Variants in ALG12 observed in about 807,000 individuals in gnomAD.
ALG12 encodes dol-P-Man:Man(7)GlcNAc(2)-PP-Dol alpha-1,6-mannosyltransferase.
A neutral mutation model predicts 46.0 loss-of-function variants in ALG12; 36 were observed. The observed-to-expected ratio is 0.78, with a 90% confidence interval of 0.60 to 1.03. The LOEUF is 1.03. Ranked by LOEUF, ALG12 falls within the 50% of genes least tolerant of loss-of-function variation. The probability of loss-of-function intolerance (pLI) is 0.00; values close to 1 mark genes in which losing one functional copy is unlikely to be tolerated. For synonymous variants in ALG12, 326 were observed against 291.6 expected (o/e 1.12, Z -1.20); for missense variants, 599 against 633.5 (o/e 0.95, Z 0.58).
the ALG12 span, among the ~76,000 whole-genome samples, chr22:49,868,719 G>A: frequency 1.3e-5 from 2 of 152,166 alleles, no homozygotes; most frequent in African/African-American, 4.8e-5. Context: ...GCCTGGGTTA[G>A]TAATTCTGCA....
chr22:49,864,303 T>C, the ALG12 span, among the ~76,000 whole-genome samples: 1 of 152,250 alleles, frequency 6.6e-6, no homozygotes, highest in Non-Finnish European at 1.5e-5. Flanking sequence ...GTTTTATCTC[T>C]TGCTACAAAC....
At chr22:49,914,022 T>C (rs926657932) in intron 1 of ALG12, among the ~76,000 whole-genome samples, 179 bp from the exon 2 acceptor site, 3 of 152,250 alleles carry the variant, frequency 2.0e-5, no homozygotes, top group South Asian at 2.1e-4. Context: ...GAATCTTTCA[T>C]ACTGTAACCA....
chr22:49,876,130 C>T, the ALG12 span, among the ~76,000 whole-genome samples: 1 of 151,724 alleles, frequency 6.6e-6, no homozygotes, highest in African/African-American at 2.4e-5. Context: ...TTATTCAGTT[C>T]CTTTGTCAGA....
downstream of ALG12, among the ~76,000 whole-genome samples, chr22:49,898,898 G>A (rs1441421429): frequency 6.6e-6 from 1 of 151,972 alleles, no homozygotes; most frequent in Non-Finnish European, 1.5e-5. Flanking sequence ...AACTACAGGC[G>A]TGCACCACTG....
At chr22:49,868,761 A>C in the ALG12 span, among the ~76,000 whole-genome samples, 1 of 152,156 alleles carries the variant, frequency 6.6e-6, no homozygotes, top group African/African-American at 2.4e-5. Flanking sequence ...AGGGTTGAGC[A>C]AATGAGGAAA....
Position 49,906,453 on chromosome 22 carries a change from G to C in ALG12, c.992+1268C>G, listed in dbSNP as rs114143073. On this transcript the variant is annotated intron_variant, in intron 7 of 9. Transcript: ENST00000330817. This position sits in a 1 kb window ranked among gnomAD's most constrained non-coding sequence, Gnocchi z 4.4. ...CCAGAGGAGCCCCCAACCCAGGCAC[G>C]GCCACGGCAGCCGGAGGAACCCCCA... 1.3e-5 allele frequency among the ~76,000 whole-genome samples: 2 copies of C among 151,960 alleles called. No homozygotes were observed. Among genetic ancestry groups the C allele is most frequent in the Non-Finnish European group, 2.9e-5 (2 of 67,954 alleles).
At chr22:49,883,658 C>A in the ALG12 span, 2 of 1,550,132 alleles carry the variant, frequency 1.3e-6, no homozygotes, top group South Asian at 2.4e-5. Flanking sequence ...TAGTTATGGT[C>A]AGTCATGGAG....
In ALG12 at chr22:49,910,011, A is replaced by C. The variant is rs767547794; in HGVS notation, c.547T>G (p.Phe183Val). The C allele has an allele frequency of 3.1e-6, 5 of 1,613,896 alleles. No homozygotes were observed. The highest frequency in any genetic ancestry group is 4.2e-6 in the Non-Finnish European group (5 of 1,179,980). ...IWLSAFAIIV[F>V]RVELCLFLGL... ...AGGAACAGGCACAGCTCCACCCTGA[A>C]CACGATGATGGCGAAGGCTGACAGC... is the stretch of plus-strand genomic sequence containing the variant. The change falls in exon 5 of 10, where the codon TTC becomes GTC. Residue 183 changes from phenylalanine (F) to valine (V), a missense_variant. By Grantham distance (50) the Phe-to-Val change is conservative. Transcript: ENST00000330817.
At chr22:49,904,593 G>C in intron 7 of ALG12, 87 bp from the exon 8 acceptor site, 1 of 1,452,674 alleles carries the variant, frequency 6.9e-7, no homozygotes, top group Non-Finnish European at 9.5e-7. Flanking sequence ...AGCATAACCT[G>C]CTGTTCAACT....
rs1453716459 is a variant in ALG12, at chr22:49,901,638, G to C, written c.*2200C>G. 1 of 125,204 alleles carries C rather than the reference G, an allele frequency of 8.0e-6. No homozygotes were observed. Among genetic ancestry groups the C allele is most frequent in the Non-Finnish European group, 1.5e-5 (1 of 65,504 alleles). 7.8% of individuals were successfully genotyped at this position (125,204 alleles called of 1,614,324 possible). Reference sequence around the variant, plus strand: ...TGCATGCGTGGTGGGTATGTATGGTGTGTGCACGTGTGATCATGCATGTAT... The same window carrying C: ...TGCATGCGTGGTGGGTATGTATGGTCTGTGCACGTGTGATCATGCATGTAT... On this transcript the variant is annotated 3_prime_UTR_variant, in exon 10 of 10. Coordinates refer to ENST00000330817, the MANE Select transcript of ALG12 (RefSeq NM_024105.4).
chr22:49,861,288 C>T, the ALG12 span, among the ~76,000 whole-genome samples: 1 of 151,898 alleles, frequency 6.6e-6, no homozygotes, highest in Non-Finnish European at 1.5e-5. Context: ...ACTACAGGCA[C>T]CCGCCACCAC....
At chr22:49,912,551 C>A (rs1446484112) in intron 3 of ALG12, among the ~76,000 whole-genome samples, 1 of 152,252 alleles carries the variant, frequency 6.6e-6, no homozygotes, top group Non-Finnish European at 1.5e-5. Context: ...CGTTCCCAAT[C>A]TGCCCCTTCA....
intron 3 of ALG12, among the ~76,000 whole-genome samples, chr22:49,911,809 G>T (rs2060578137): frequency 2.0e-5 from 3 of 152,152 alleles, no homozygotes; most frequent in Admixed American, 2.0e-4. Flanking sequence ...TTTGGTGCTG[G>T]AATTTCCCCC....
At chr22:49,869,986 C>T in the ALG12 span, among the ~76,000 whole-genome samples, 4 of 152,126 alleles carry the variant, frequency 2.6e-5, no homozygotes, top group African/African-American at 7.2e-5. Context: ...CCTCACTCCT[C>T]ACTCTCGCAG....
At chr22:49,862,403 C>G in the ALG12 span, among the ~76,000 whole-genome samples, 2 of 152,218 alleles carry the variant, frequency 1.3e-5, no homozygotes, top group Non-Finnish European at 2.9e-5. Context: ...TGCGCCCAGC[C>G]TAGTGTAGCT....
chr22:49,910,655 C>G, intron 3 of ALG12, 48 bp from the exon 4 acceptor site: 2 of 1,612,170 alleles, frequency 1.2e-6, no homozygotes, highest in Non-Finnish European at 1.7e-6. Flanking sequence ...GAGGAGTATC[C>G]AGTGGGGCCC....
At chr22:49,884,852 T>C in the ALG12 span, 1 of 1,610,538 alleles carries the variant, frequency 6.2e-7, no homozygotes. Flanking sequence ...ACTGAGGACT[T>C]GCAGTCTCAC....
the ALG12 span, among the ~76,000 whole-genome samples, chr22:49,860,344 C>T: frequency 6.6e-6 from 1 of 152,156 alleles, no homozygotes; most frequent in Non-Finnish European, 1.5e-5. Flanking sequence ...TATAGTTTTA[C>T]TTAATTTCTT....
chr22:49,881,279 G>A, the ALG12 span, among the ~76,000 whole-genome samples: 1 of 152,266 alleles, frequency 6.6e-6, no homozygotes, highest in Non-Finnish European at 1.5e-5. Context: ...AACCCAGGAA[G>A]CGGAGGTTGC....
Sources: allele counts gnomAD v4.1 joint callset (sites outside exome capture counted in the v4.1 genomes callset), GRCh38; gene constraint gnomAD v4.1.1; non-coding constraint Gnocchi (gnomAD v3.1); transcripts MANE v1.5; gene names NCBI Gene and HGNC (gene_info 2026-07-23, HGNC 2026-07-21).